Variants in ARHGEF28 observed in about 807,000 individuals in gnomAD.
The protein encoded by ARHGEF28 is Rho guanine nucleotide exchange factor 28, also known as 190 kDa guanine nucleotide exchange factor.
In ARHGEF28, 152 loss-of-function variants were observed where a neutral mutation model predicts 206.6. The ratio of observed to expected loss-of-function variants is 0.74; its 90% CI spans 0.64 to 0.84. The LOEUF (loss-of-function observed/expected upper bound fraction) is 0.84. Among genes scored for constraint, ARHGEF28 ranks in the 40% least tolerant of loss-of-function variants. ARHGEF28 has a pLI of 0.00. For missense variants in ARHGEF28, 2,028 were observed against 2,073.2 expected (o/e 0.98, Z 0.42); for synonymous variants, 763 against 776.4 (o/e 0.98, Z 0.29).
At chr5:73,695,843 C>G (rs1449600419) in intron 2 of ARHGEF28, among the ~76,000 whole-genome samples, 4 of 152,202 alleles carry the variant, frequency 2.6e-5, no homozygotes, top group African/African-American at 9.7e-5. Context: ...TCCCTACATT[C>G]ATCTCGCAAC....
At chr5:73,718,658 G>A (rs146139482) in intron 2 of ARHGEF28, among the ~76,000 whole-genome samples, 1 of 152,270 alleles carries the variant, frequency 6.6e-6, no homozygotes, top group African/African-American at 2.4e-5. Flanking sequence ...CTTAGTTCTT[G>A]CTGATGCTGT....
rs559969909 is a variant in ARHGEF28 at position 73,873,368 on chromosome 5, G to T, written c.2814+122G>T. ...GAAACATTCATAGTGACATTCTGAGGATGTGTTTACCATCGTTAGATTGTA... is the reference window on the plus strand; with the variant it reads ...GAAACATTCATAGTGACATTCTGAGTATGTGTTTACCATCGTTAGATTGTA... On this transcript the variant is annotated intron_variant, in intron 22 of 35. Coordinates refer to ENST00000513042, the MANE Select transcript of ARHGEF28 (RefSeq NM_001177693.2). The T allele has an allele frequency of 4.6e-6, 6 of 1,295,172 alleles. No individual in the cohort carries two copies. In the Admixed American group the frequency reaches 1.3e-4, roughly 29 times the overall value. The allele number at this position is 1,295,172 out of a possible 1,614,324, so 80.2% of individuals were successfully genotyped here. A position where few individuals can be genotyped will look rare whatever the true frequency, so the allele number is the denominator to read the frequency against.
intron 1 of ARHGEF28, among the ~76,000 whole-genome samples, chr5:73,674,388 T>C (rs552507143): frequency 2.7e-4 from 41 of 152,310 alleles, no homozygotes; most frequent in African/African-American, 9.6e-4. Flanking sequence ...GCTAAGCCAC[T>C]TCTAGCTGCT....
At chr5:73,749,472 G>A (rs991278956) in intron 2 of ARHGEF28, among the ~76,000 whole-genome samples, 1 of 152,184 alleles carries the variant, frequency 6.6e-6, no homozygotes, top group Non-Finnish European at 1.5e-5. Context: ...TTTAAGACCA[G>A]CCTGGGCAAC....
At chr5:73,693,359 C>G (rs1467187319) in intron 2 of ARHGEF28, among the ~76,000 whole-genome samples, 1 of 152,156 alleles carries the variant, frequency 6.6e-6, no homozygotes, top group Non-Finnish European at 1.5e-5. Context: ...TCTCTCTTTT[C>G]TTTTATCTCA....
intron 2 of ARHGEF28, among the ~76,000 whole-genome samples, chr5:73,711,957 A>G (rs996782511): frequency 6.6e-6 from 1 of 151,672 alleles, no homozygotes; most frequent in African/African-American, 2.4e-5. Flanking sequence ...TATTAGGTTA[A>G]GAAATTTTCC....
At chr5:73,861,725 A>G (rs1004365161) in intron 16 of ARHGEF28, among the ~76,000 whole-genome samples, 5 of 152,220 alleles carry the variant, frequency 3.3e-5, no homozygotes, top group Admixed American at 3.3e-4. Context: ...TCCTTTGCAC[A>G]TATCATTGTC....
At chr5:73,729,856 A>G (rs755918767) in intron 2 of ARHGEF28, among the ~76,000 whole-genome samples, 2 of 152,176 alleles carry the variant, frequency 1.3e-5, no homozygotes, top group Non-Finnish European at 2.9e-5. Flanking sequence ...CACACTAACT[A>G]TTGTTTTAAT....
chr5:73,904,206 T>G lies in ARHGEF28; in HGVS notation c.4075-16T>G, dbSNP rs537558179. ...GTAGAATGGTTATTCATTTTCTTGT[T>G]TTTTATGTATTTTAGGTGGAATGTA... is the stretch of plus-strand genomic sequence containing the variant. On this transcript the variant is annotated splice_polypyrimidine_tract_variant and intron_variant, in intron 31 of 35. Coordinates refer to ENST00000513042, the MANE Select transcript of ARHGEF28 (RefSeq NM_001177693.2). 21 of 1,613,190 alleles carry G rather than the reference T, an allele frequency of 1.3e-5. 1 individual carries two copies. The South Asian group carries it at 2.3e-4, about 18-fold the overall frequency.
At chr5:73,897,078 G>A (rs75737571) in intron 29 of ARHGEF28, among the ~76,000 whole-genome samples, 2,396 of 152,286 alleles carry the variant, frequency 0.016, 61 homozygotes, top group African/African-American at 0.055. Context: ...CACTCTGCTG[G>A]ACAGCTTTTC....
At chr5:73,886,141 A>G (rs764711023) in intron 25 of ARHGEF28, 37 bp downstream of exon 25, 10 of 1,573,290 alleles carry the variant, frequency 6.4e-6, no homozygotes, top group Non-Finnish European at 8.6e-6. Context: ...CTCCCTTCAT[A>G]CACATTATTC....
intron 1 of ARHGEF28, among the ~76,000 whole-genome samples, chr5:73,667,554 C>T (rs539478647): frequency 6.6e-6 from 1 of 152,310 alleles, no homozygotes; most frequent in South Asian, 2.1e-4. Context: ...ATTCTCCCAT[C>T]ATCTTGATGA....
chr5:73,923,982 G>A (rs1487900721), intron 35 of ARHGEF28, among the ~76,000 whole-genome samples: 1 of 152,142 alleles, frequency 6.6e-6, no homozygotes, highest in Non-Finnish European at 1.5e-5. Context: ...TACATAGAGT[G>A]AAATGCTTAG....
At chr5:73,739,055 C>T (rs555381136) in intron 2 of ARHGEF28, among the ~76,000 whole-genome samples, 7 of 152,220 alleles carry the variant, frequency 4.6e-5, no homozygotes, top group African/African-American at 1.4e-4. Context: ...AGTTGTCTTC[C>T]CATAAGACAG....
chr5:73,858,072 C>T lies in ARHGEF28; in HGVS notation c.1915-15C>T. 6.3e-7 allele frequency: 1 copy of T among 1,590,722 alleles called. No homozygotes were observed. The highest frequency in any genetic ancestry group is 8.5e-7 in the Non-Finnish European group (1 of 1,172,818). ...ATTTTTCCCCACTTTCCTACTGCTG[C>T]TGCTGCATCTGAAGACAAAAAGCAA... On this transcript the variant is annotated splice_polypyrimidine_tract_variant and intron_variant, in intron 15 of 35. Coordinates refer to ENST00000513042, the MANE Select transcript of ARHGEF28 (RefSeq NM_001177693.2).
At chr5:73,861,442 C>T (rs1160456177) in intron 16 of ARHGEF28, among the ~76,000 whole-genome samples, 2 of 151,998 alleles carry the variant, frequency 1.3e-5, no homozygotes, top group Non-Finnish European at 2.9e-5. Context: ...TCCTTATAAC[C>T]ATAAAAAACT....
Position 73,645,616 on chromosome 5 carries a change from T to C in ARHGEF28, c.-12+19294T>C, listed in dbSNP as rs1400604109. Among the ~76,000 whole-genome samples, 7 of 152,244 alleles carry C rather than the reference T, an allele frequency of 4.6e-5. No homozygotes were observed. In the East Asian group the frequency reaches 1.3e-3, roughly 29 times the overall value. On this transcript the variant is annotated intron_variant, in intron 1 of 35. Transcript: ENST00000513042. ...AAACATGATACTGAACTAGAGAAAA[T>C]GAAGTATTGTAAGCTAGTTGGGATG...
intron 14 of ARHGEF28, among the ~76,000 whole-genome samples, chr5:73,855,518 G>A (rs939707527): frequency 3.3e-5 from 5 of 152,058 alleles, no homozygotes; most frequent in Admixed American, 3.3e-4. Context: ...AATCACCAGA[G>A]GTCAGGAGTT....
chr5:73,695,220 T>G (rs974750516), intron 2 of ARHGEF28, among the ~76,000 whole-genome samples: 1 of 152,130 alleles, frequency 6.6e-6, no homozygotes, highest in African/African-American at 2.4e-5. Flanking sequence ...GTGGGGGAGT[T>G]GCATGATTTG....
Sources: allele counts gnomAD v4.1 joint callset (sites outside exome capture counted in the v4.1 genomes callset), GRCh38; gene constraint gnomAD v4.1.1; transcripts MANE v1.5; gene names NCBI Gene and HGNC (gene_info 2026-07-23, HGNC 2026-07-21).